Variants in RABGGTA observed in about 807,000 individuals in gnomAD.
RABGGTA encodes Rab geranylgeranyltransferase subunit alpha.
RABGGTA carries 69 observed loss-of-function variants against 83.3 expected under a neutral mutation model. That is an observed-to-expected ratio of 0.83 (90% CI 0.68 to 1.01). The LOEUF (loss-of-function observed/expected upper bound fraction) is 1.01. Ranked by LOEUF, RABGGTA falls within the 50% of genes least tolerant of loss-of-function variation. The pLI, the probability that RABGGTA is intolerant of heterozygous loss-of-function variation, is 0.00. For synonymous variants in RABGGTA, 310 were observed against 299.8 expected, an observed-to-expected ratio of 1.03 and a Z score of -0.35; for missense variants, 681 against 712.7, an observed-to-expected ratio of 0.96 and a Z score of 0.51.
At chr14:24,268,038 T>C in intron 12 of RABGGTA, 72 bp downstream of exon 12, 1 of 1,602,700 alleles carries the variant, frequency 6.2e-7, no homozygotes, top group South Asian at 1.1e-5. Context: ...CCTGCTGTCC[T>C]CTCAGGGCCA....
intron 14 of RABGGTA, among the ~76,000 whole-genome samples, chr14:24,267,117 G>T (rs796995241): frequency 1.3e-5 from 2 of 152,182 alleles, no homozygotes; most frequent in Non-Finnish European, 1.5e-5. Flanking sequence ...GGGTGAGGAG[G>T]AGGAGGCCTG....
In RABGGTA at chr14:24,266,441, A is replaced by G; in HGVS notation, c.1544T>C (p.Leu515Pro). ...TNLPRLQELL[L>P]CNNRLQQPAV... Reference sequence around the variant, plus strand: ...AGAAGGAAGGATACGGTTGTTGCACAGTAGCAGCTCCTGCAGCCGGGGTAG... The same window carrying G: ...AGAAGGAAGGATACGGTTGTTGCACGGTAGCAGCTCCTGCAGCCGGGGTAG... Residue 515 changes from leucine to proline, a missense_variant, in exon 16 of 17, where the codon CTG becomes CCG. Coordinates refer to ENST00000216840, the MANE Select transcript of RABGGTA (RefSeq NM_182836.3). 6.2e-7 allele frequency: 1 copy of G among 1,613,998 alleles called. No homozygotes were observed. Among genetic ancestry groups the G allele is most frequent in the Admixed American group, 1.7e-5 (1 of 60,028 alleles).
Position 24,267,761 on chromosome 14 carries a change from G to C in RABGGTA, c.1252C>G (p.Arg418Gly). The C allele has an allele frequency of 6.2e-7, 1 of 1,612,366 alleles. No homozygotes were observed. The highest frequency in any genetic ancestry group is 1.1e-5 in the South Asian group (1 of 91,002). The change falls in exon 14 of 17, where the codon CGG becomes GGG. Residue 418 changes from arginine to glycine, a missense_variant. Physicochemically the swap from Arg to Gly is moderately radical, Grantham distance 125. Around this residue, in one of 5 missense-constraint regions of RABGGTA, gnomAD observed 421 missense variants for 418.5 expected, o/e 1.01. Coordinates refer to ENST00000216840, the MANE Select transcript of RABGGTA (RefSeq NM_182836.3). ...FQTLKAVDPMRATYLDDLRSK... is the reference protein window; with the variant it reads ...FQTLKAVDPMGATYLDDLRSK... ...CGCAGGTCATCCAGATACGTTGCCCGCATGGGGTCCACGGCCTGGAGTGGA... is the reference window on the plus strand; with the variant it reads ...CGCAGGTCATCCAGATACGTTGCCCCCATGGGGTCCACGGCCTGGAGTGGA...
chr14:24,271,208 C>T, intron 1 of RABGGTA, 39 bp from the exon 2 acceptor site: 4 of 1,417,598 alleles, frequency 2.8e-6, no homozygotes, highest in East Asian at 2.5e-5. Flanking sequence ...CCCGCCCCTA[C>T]TAGCTCCGCC....
Position 24,265,684 on chromosome 14 carries a change from C to T in RABGGTA, c.1635G>A (p.Leu545=), listed in dbSNP as rs376623688. Reference sequence around the variant, plus strand: ...GCTCCAAGATGCCCACCGCTTGGCACAGCGGGTTACCCTGCAGGTTGAGGA... The same window carrying T: ...GCTCCAAGATGCCCACCGCTTGGCATAGCGGGTTACCCTGCAGGTTGAGGA... ...LVLLNLQGNP[L]CQAVGILEQL... Residue 545 remains leucine, a synonymous_variant, in exon 17 of 17, where the codon CTG becomes CTA. Transcript: ENST00000216840. 2.5e-6 allele frequency: 4 copies of T among 1,613,454 alleles called. No homozygotes were observed. The highest frequency in any genetic ancestry group is 3.4e-6 in the Non-Finnish European group (4 of 1,179,720).
Position 24,266,479 on chromosome 14 carries a change from G to C in RABGGTA, c.1506C>G (p.Asp502Glu). 6.2e-7 allele frequency: 1 copy of C among 1,613,966 alleles called. No individual in the cohort carries two copies. The highest frequency in any genetic ancestry group is 1.1e-5 in the South Asian group (1 of 91,076). ...QASDNAIESL[D>E]GVTNLPRLQE... ...GCAGCCGGGGTAGGTTGGTGACGCC[G>C]TCCAGGGACTCTATGGCATTATCAC... Residue 502 changes from aspartate (D) to glutamate (E), a missense_variant, in exon 16 of 17, where the codon GAC becomes GAG. Physicochemically the swap from Asp to Glu is conservative, Grantham distance 45. This residue lies in a region of RABGGTA where 421 missense variants were observed against 418.5 expected (regional missense o/e 1.01). Coordinates refer to ENST00000216840, the MANE Select transcript of RABGGTA (RefSeq NM_182836.3).
intron 5 of RABGGTA, 128 bp downstream of exon 5, chr14:24,269,825 A>T: frequency 7.0e-7 from 1 of 1,438,054 alleles, no homozygotes; most frequent in Non-Finnish European, 9.5e-7. Flanking sequence ...TTTGGCTCCA[A>T]CATCCCTTTC....
Position 24,268,527 on chromosome 14 carries a change from G to A in RABGGTA, c.993C>T (p.Cys331=), listed in dbSNP as rs564621166. 1.8e-5 allele frequency: 29 copies of A among 1,613,930 alleles called. No individual in the cohort carries two copies. Among genetic ancestry groups the A allele is most frequent in the South Asian group, 1.4e-4 (13 of 91,078 alleles). Residue 331 remains cysteine, a synonymous_variant, in exon 10 of 17, where the codon TGC becomes TGT. Transcript: ENST00000216840. ...IWTAGDVQKE[C]VLLKGRQEGW... The stretch of plus-strand genomic sequence containing the variant: ...AGGTTCCATCACCTTTTAAAAGCAC[G>A]CATTCTTTCTGGACATCGCCTGCTG...
chr14:24,266,051 G>A (rs2040869310), intron 16 of RABGGTA, among the ~76,000 whole-genome samples: 2 of 152,190 alleles, frequency 1.3e-5, no homozygotes, highest in African/African-American at 4.8e-5. Context: ...TTACTATTCA[G>A]CAATGACCAA....
intron 6 of RABGGTA, 91 bp downstream of exon 6, chr14:24,269,400 A>T: frequency 3.5e-6 from 5 of 1,433,964 alleles, no homozygotes; most frequent in Non-Finnish European, 4.9e-6. Flanking sequence ...TGCTCAATAA[A>T]CCTGAGTGAC....
In RABGGTA at chr14:24,269,087, T is replaced by C. The variant is rs1703573027; in HGVS notation, c.708A>G (p.Leu236=). ...QSAWFYHRWL[L]GRADPQDALR... The stretch of plus-strand genomic sequence containing the variant: ...CCTTTCCTCATTGCTCACCTCGGCC[T>C]AGGAGCCAACGGTGATAAAACCAGG... The change falls in exon 7 of 17, where the codon CTA becomes CTG. Residue 236 remains leucine, a synonymous_variant. Coordinates refer to ENST00000216840, the MANE Select transcript of RABGGTA (RefSeq NM_182836.3). The C allele has an allele frequency of 6.2e-7, 1 of 1,609,032 alleles. No homozygotes were observed. The highest frequency in any genetic ancestry group is 8.5e-7 in the Non-Finnish European group (1 of 1,177,582).
At chr14:24,265,926 C>A (rs1386027511) in intron 16 of RABGGTA, among the ~76,000 whole-genome samples, 163 bp from the exon 17 acceptor site, 1 of 152,146 alleles carries the variant, frequency 6.6e-6, no homozygotes, top group Non-Finnish European at 1.5e-5. Context: ...AAATGCCTAC[C>A]CACAGGGTCA....
chr14:24,268,264 G>C (rs2040899033), intron 11 of RABGGTA, 66 bp from the exon 12 acceptor site: 2 of 1,606,598 alleles, frequency 1.2e-6, no homozygotes, highest in East Asian at 2.2e-5. Flanking sequence ...AACATTCCCA[G>C]TATCTAGACT....
chr14:24,269,832 T>C (rs1478293592), intron 5 of RABGGTA, 121 bp downstream of exon 5: 16 of 1,445,906 alleles, frequency 1.1e-5, no homozygotes, highest in Admixed American at 1.0e-4. Context: ...CCAACATCCC[T>C]TTCAGCACCA....
intron 1 of RABGGTA, 87 bp from the exon 2 acceptor site, chr14:24,271,256 G>A (rs2040946689): frequency 4.5e-6 from 5 of 1,110,884 alleles, no homozygotes; most frequent in Non-Finnish European, 5.0e-6. Flanking sequence ...TGCCTGGGCA[G>A]AGACCCCCAG....
chr14:24,269,567 G>A lies in RABGGTA; in HGVS notation c.555C>T (p.Ser185=). The change falls in exon 6 of 17, where the codon TCC becomes TCT. Residue 185 remains serine, a synonymous_variant. Transcript: ENST00000216840. ...FSNYSSWHYR[S]CLLPQLHPQP... ...GGGGGTGCAGCTGGGGCAAGAGACAGGAGCGGTAATGCCAGGAAGAGTAGT... is the reference window on the plus strand; with the variant it reads ...GGGGGTGCAGCTGGGGCAAGAGACAAGAGCGGTAATGCCAGGAAGAGTAGT... 3 of 1,611,314 alleles carry A rather than the reference G, an allele frequency of 1.9e-6. No homozygotes were observed. The highest frequency in any genetic ancestry group is 2.5e-6 in the Non-Finnish European group (3 of 1,177,418).
chr14:24,271,165 G>T lies in RABGGTA; in HGVS notation c.-50C>A, dbSNP rs781028195. On this transcript the variant is annotated 5_prime_UTR_variant, in exon 2 of 17. Transcript: ENST00000216840. ...GGGGAAGGGTCCAGTGGTAGCCCTTGAAGTCTGAGGAGAGAAGTGTCAATC... is the reference window on the plus strand; with the variant it reads ...GGGGAAGGGTCCAGTGGTAGCCCTTTAAGTCTGAGGAGAGAAGTGTCAATC... 10 of 1,503,948 alleles carry T rather than the reference G, an allele frequency of 6.6e-6. No individual in the cohort carries two copies. The highest frequency in any genetic ancestry group is 4.2e-5 in the African/African-American group (3 of 71,482). The allele number at this position is 1,503,948 out of a possible 1,614,324, so 93.2% of individuals were successfully genotyped here. A position where few individuals can be genotyped will look rare whatever the true frequency, so the allele number is the denominator to read the frequency against.
chr14:24,269,855 C>A, intron 5 of RABGGTA, 98 bp downstream of exon 5: 2 of 1,481,410 alleles, frequency 1.4e-6, no homozygotes, highest in Non-Finnish European at 1.8e-6. Flanking sequence ...TCAGTGGACC[C>A]ATCCTGGATA....
In RABGGTA at chr14:24,269,999, T is replaced by C; in HGVS notation, c.381A>G (p.Arg127=). The change falls in exon 5 of 17, where the codon CGA becomes CGG. Residue 127 remains arginine, a synonymous_variant. Transcript: ENST00000216840. ...LGRLPEPNWT[R]ELELCARFLE... ...GGAAACGGGCACAGAGCTCCAGCTCTCGGGTCCAGTTGGGCTCAGGCAGGC... is the reference window on the plus strand; with the variant it reads ...GGAAACGGGCACAGAGCTCCAGCTCCCGGGTCCAGTTGGGCTCAGGCAGGC... 1.2e-6 allele frequency: 2 copies of C among 1,613,748 alleles called. No individual in the cohort carries two copies. Among genetic ancestry groups the C allele is most frequent in the Non-Finnish European group, 1.7e-6 (2 of 1,179,816 alleles).
Sources: allele counts gnomAD v4.1 joint callset (sites outside exome capture counted in the v4.1 genomes callset), GRCh38; gene constraint gnomAD v4.1.1; regional missense constraint gnomAD v4.1.1; transcripts MANE v1.5; gene names NCBI Gene and HGNC (gene_info 2026-07-23, HGNC 2026-07-21).